The following MAML2 variants were observed in gnomAD, a reference collection of about 807,000 sequenced individuals.
MAML2 encodes mastermind-like protein 2.
In MAML2, 22 loss-of-function variants were observed where a neutral mutation model predicts 96.1. That is an observed-to-expected ratio of 0.23 (90% CI 0.16 to 0.33). The LOEUF is 0.33. Ranked by LOEUF, MAML2 falls within the 10% of genes least tolerant of loss-of-function variation. MAML2 has a pLI of 1.00. For synonymous variants in MAML2, 561 were observed against 521.3 expected (o/e 1.08, Z -1.04); for missense variants, 1,367 against 1,392.4 (o/e 0.98, Z 0.29).
chr11:96,136,342 A>G lies in MAML2; in HGVS notation c.514-42825T>C, dbSNP rs965195493. On this transcript the variant is annotated intron_variant, in intron 1 of 4. Transcript: ENST00000524717. Reference sequence around the variant, plus strand: ...ATGTAATACATACACACATACATACATATGAGTTGAAGTCAATTAAGATAA... The same window carrying G: ...ATGTAATACATACACACATACATACGTATGAGTTGAAGTCAATTAAGATAA... Among the ~76,000 whole-genome samples, 91 of 152,198 alleles carry G rather than the reference A, an allele frequency of 6.0e-4. 1 individual carries two copies. Among genetic ancestry groups the G allele is most frequent in the Non-Finnish European group, 2.5e-4 (17 of 68,044 alleles).
intron 1 of MAML2, among the ~76,000 whole-genome samples, chr11:96,185,158 G>GGA (rs2135915273): frequency 6.7e-6 from 1 of 148,432 alleles, no homozygotes; most frequent in East Asian, 1.9e-4. Context: ...TGCTCTCAGT[G>GGA]GAGCTCCTTA....
chr11:96,063,888 G>A (rs562306945), intron 2 of MAML2, among the ~76,000 whole-genome samples: 3 of 152,168 alleles, frequency 2.0e-5, no homozygotes, highest in Non-Finnish European at 4.4e-5. Flanking sequence ...TTGATACGAT[G>A]TCTGCAGGAC....
chr11:96,061,653 C>A (rs1859161290), intron 2 of MAML2, among the ~76,000 whole-genome samples: 1 of 152,104 alleles, frequency 6.6e-6, no homozygotes, highest in African/African-American at 2.4e-5. Flanking sequence ...ACAAGACAGG[C>A]CACTTTCCTC....
chr11:96,174,901 T>A (rs1353698525), intron 1 of MAML2, among the ~76,000 whole-genome samples: 1 of 152,254 alleles, frequency 6.6e-6, no homozygotes, highest in Non-Finnish European at 1.5e-5. Context: ...CATCTTCTTG[T>A]CTTGGCCTTT....
At chr11:96,135,350 A>T (rs1860611614) in intron 1 of MAML2, among the ~76,000 whole-genome samples, 1 of 152,180 alleles carries the variant, frequency 6.6e-6, no homozygotes, top group Non-Finnish European at 1.5e-5. Flanking sequence ...AGTCTCAGGT[A>T]TTCTGTTATA....
intron 1 of MAML2, among the ~76,000 whole-genome samples, chr11:96,200,328 T>C (rs1253354939): frequency 6.6e-6 from 1 of 152,220 alleles, no homozygotes; most frequent in Non-Finnish European, 1.5e-5. Context: ...GCAAAACAGA[T>C]ATCATCTGTA....
intron 1 of MAML2, among the ~76,000 whole-genome samples, chr11:96,253,199 C>A (rs1192375074): frequency 6.6e-6 from 1 of 152,198 alleles, no homozygotes; most frequent in East Asian, 1.9e-4. Flanking sequence ...AACACCACAG[C>A]TTCCCTTTAT....
chr11:95,992,940 G>A (rs2135711097), intron 2 of MAML2, among the ~76,000 whole-genome samples: 1 of 151,964 alleles, frequency 6.6e-6, no homozygotes, highest in African/African-American at 2.4e-5. Context: ...GAGTGCAGTG[G>A]CATAATCATG....
chr11:96,020,183 T>C (rs756325521), intron 2 of MAML2, among the ~76,000 whole-genome samples: 2 of 152,178 alleles, frequency 1.3e-5, no homozygotes, highest in African/African-American at 4.8e-5. Context: ...TAAACTCCAA[T>C]AAAGACCATC....
At chr11:96,287,564 C>T (rs1016643547) in intron 1 of MAML2, among the ~76,000 whole-genome samples, 1 of 152,094 alleles carries the variant, frequency 6.6e-6, no homozygotes, top group African/African-American at 2.4e-5. Flanking sequence ...ATAGAGACAT[C>T]TACTTTTTTG....
chr11:96,191,929 G>C (rs964929624), intron 1 of MAML2, among the ~76,000 whole-genome samples: 2 of 152,184 alleles, frequency 1.3e-5, no homozygotes, highest in Non-Finnish European at 2.9e-5. Flanking sequence ...TGTGAGTTCT[G>C]TCAGTGACAG....
intron 3 of MAML2, among the ~76,000 whole-genome samples, 192 bp downstream of exon 3, chr11:95,991,328 G>T (rs1276187989): frequency 8.3e-6 from 1 of 120,568 alleles, no homozygotes; most frequent in African/African-American, 3.3e-5. Context: ...CAAGTGTCCA[G>T]CAGTTGTTAA....
chr11:96,303,788 C>T (rs1364284793), intron 1 of MAML2, among the ~76,000 whole-genome samples: 1 of 152,154 alleles, frequency 6.6e-6, no homozygotes, highest in African/African-American at 2.4e-5. Flanking sequence ...ACACCTGGCG[C>T]CCACAAAAGG....
At chr11:96,148,826 A>G (rs958125221) in intron 1 of MAML2, among the ~76,000 whole-genome samples, 15 of 152,302 alleles carry the variant, frequency 9.8e-5, no homozygotes, top group African/African-American at 2.9e-4. Flanking sequence ...TTGGAAACCA[A>G]AGGACAGAGG....
At chr11:96,313,623 G>T (rs1863580480) in intron 1 of MAML2, among the ~76,000 whole-genome samples, 4 of 151,956 alleles carry the variant, frequency 2.6e-5, no homozygotes, top group African/African-American at 9.7e-5. Flanking sequence ...ACTGTTTTCT[G>T]CTATAATTTA....
intron 2 of MAML2, among the ~76,000 whole-genome samples, chr11:96,082,552 T>C (rs930349737): frequency 2.0e-5 from 3 of 152,080 alleles, no homozygotes; most frequent in East Asian, 1.9e-4. Flanking sequence ...AAGGCATTCA[T>C]AGGGAGGAGA....
At chr11:96,161,437 C>G (rs943701682) in intron 1 of MAML2, among the ~76,000 whole-genome samples, 1 of 152,166 alleles carries the variant, frequency 6.6e-6, no homozygotes, top group Non-Finnish European at 1.5e-5. Context: ...TTAATAGGTT[C>G]ATTTTTTACC....
intron 1 of MAML2, among the ~76,000 whole-genome samples, chr11:96,337,617 A>T (rs531046142): frequency 1.3e-5 from 2 of 152,344 alleles, no homozygotes; most frequent in Admixed American, 1.3e-4. Context: ...CTTCAGGAAC[A>T]CTTAAGTATA....
intron 1 of MAML2, among the ~76,000 whole-genome samples, chr11:96,167,212 C>G (rs898696165): frequency 6.6e-5 from 10 of 152,208 alleles, no homozygotes. Flanking sequence ...TGGACACTCG[C>G]TGCTCACTTG....
Sources: allele counts gnomAD v4.1 joint callset (sites outside exome capture counted in the v4.1 genomes callset), GRCh38; gene constraint gnomAD v4.1.1; transcripts MANE v1.5; gene names NCBI Gene and HGNC (gene_info 2026-07-23, HGNC 2026-07-21).